The following OTC variants were observed in gnomAD, a reference collection of about 807,000 sequenced individuals.
OTC encodes ornithine transcarbamylase, mitochondrial.
A neutral mutation model predicts 30.3 loss-of-function variants in OTC; 3 were observed. That is an observed-to-expected ratio of 0.10 (90% CI 0.05 to 0.26). OTC has a LOEUF of 0.26. Ranked by LOEUF, OTC falls within the 10% of genes least tolerant of loss-of-function variation. OTC has a pLI of 1.00. For synonymous variants in OTC, 111 were observed against 99.7 expected, an observed-to-expected ratio of 1.11 and a Z score of -0.67; for missense variants, 194 against 260.3, an observed-to-expected ratio of 0.75 and a Z score of 1.75.
intron 4 of OTC, among the ~76,000 whole-genome samples, chrX:38,389,026 T>G (rs2068418640): frequency 8.9e-6 from 1 of 111,866 alleles, no homozygotes; most frequent in Admixed American, 9.5e-5. Flanking sequence ...TCAGTCATCC[T>G]TGGCATTCCT....
intron 9 of OTC, among the ~76,000 whole-genome samples, chrX:38,417,255 A>C (rs2068574550): frequency 1.8e-5 from 2 of 111,810 alleles, no homozygotes; most frequent in South Asian, 7.5e-4. Flanking sequence ...GCCTAAAGGC[A>C]ATATAGGGAA....
the OTC span, among the ~76,000 whole-genome samples, chrX:38,339,562 C>T: frequency 7.6e-5 from 8 of 105,492 alleles, no homozygotes; most frequent in African/African-American, 2.8e-4. Context: ...CTCCCTCCTC[C>T]TACTAATGGG....
intron 9 of OTC, among the ~76,000 whole-genome samples, chrX:38,417,475 G>A (rs2068575487): frequency 1.8e-5 from 2 of 111,070 alleles, no homozygotes; most frequent in African/African-American, 6.5e-5. Flanking sequence ...CAGGACCCAG[G>A]GACAGGTAGG....
At chrX:38,393,338 C>T (rs549890269) in intron 4 of OTC, among the ~76,000 whole-genome samples, 2 of 111,968 alleles carry the variant, frequency 1.8e-5, no homozygotes, top group South Asian at 7.3e-4. Context: ...TTTACATAGC[C>T]GATTATTATT....
At chrX:38,344,230 T>TACAC in the OTC span, among the ~76,000 whole-genome samples, 4 of 64,806 alleles carry the variant, frequency 6.2e-5, no homozygotes, top group East Asian at 1.7e-3. Context: ...CTTTTGGTGA[T>TACAC]ATATATATAT....
chrX:38,340,866 G>A, the OTC span, among the ~76,000 whole-genome samples: 1 of 109,292 alleles, frequency 9.1e-6, no homozygotes, highest in East Asian at 2.9e-4. Context: ...GCACGATCTC[G>A]ACTCACTGCA....
intron 9 of OTC, among the ~76,000 whole-genome samples, chrX:38,413,680 T>TTGC (rs2068555178): frequency 9.2e-6 from 1 of 108,588 alleles, no homozygotes; most frequent in African/African-American, 3.4e-5. Context: ...TTTTTTTTGT[T>TTGC]TTTTTTTGAG....
chrX:38,414,528 G>C (rs1324234589), intron 9 of OTC, among the ~76,000 whole-genome samples: 2 of 111,821 alleles, frequency 1.8e-5, no homozygotes, highest in African/African-American at 3.3e-5. Context: ...ATGCTCACCT[G>C]GGAGTGATGA....
chrX:38,344,144 T>TCAAA, the OTC span, among the ~76,000 whole-genome samples: 35 of 109,886 alleles, frequency 3.2e-4, no homozygotes, highest in African/African-American at 8.0e-4. Context: ...AGACTCTGTC[T>TCAAA]CAAACAAACA....
chrX:38,340,473 G>GTTTTTTT, the OTC span, among the ~76,000 whole-genome samples: 1 of 56,127 alleles, frequency 1.8e-5, no homozygotes, highest in Non-Finnish European at 3.3e-5. Context: ...TTTTTTTTTT[G>GTTTTTTT]TTTTTTTTTT....
chrX:38,377,355 CAAAAAAATA>C (rs2068353733), intron 3 of OTC, among the ~76,000 whole-genome samples: 1 of 110,437 alleles, frequency 9.1e-6, no homozygotes, highest in South Asian at 3.8e-4. Context: ...ATGCCTACAT[CAAAAAAATA>C]GAAAAACTTC....
rs183301094 is a variant in OTC, at chrX:38,366,676, G to A, written c.78-615G>A. Among the ~76,000 whole-genome samples, 439 of 111,588 alleles carry A rather than the reference G, an allele frequency of 3.9e-3. 2 individuals carry two copies. Among genetic ancestry groups the A allele is most frequent in the African/African-American group, 0.014 (417 of 30,696 alleles). ...GTGTGAAATTTAGAAGCAGAGAGTG[G>A]GTAAATAAACTGCCCTAGGTTGTGT... is the stretch of plus-strand genomic sequence containing the variant. On this transcript the variant is annotated intron_variant, in intron 1 of 9. Coordinates refer to ENST00000039007, the MANE Select transcript of OTC (RefSeq NM_000531.6).
chrX:38,416,380 G>A (rs887978374), intron 9 of OTC, among the ~76,000 whole-genome samples: 1 of 111,315 alleles, frequency 9.0e-6, no homozygotes, highest in Non-Finnish European at 1.9e-5. Flanking sequence ...GCTTGCTTTT[G>A]TATTTTTCAG....
At chrX:38,328,307 T>C in the OTC span, among the ~76,000 whole-genome samples, 1 of 112,530 alleles carries the variant, frequency 8.9e-6, no homozygotes, top group Non-Finnish European at 1.9e-5. Context: ...ATTACTCTTG[T>C]GTGTTACCAA....
At chrX:38,333,176 C>T in the OTC span, among the ~76,000 whole-genome samples, 6 of 101,460 alleles carry the variant, frequency 5.9e-5, no homozygotes, top group Non-Finnish European at 1.2e-4. Flanking sequence ...GATCGCACCA[C>T]TGCACTCCAG....
chrX:38,391,449 C>T (rs1224234304), intron 4 of OTC, among the ~76,000 whole-genome samples: 1 of 111,356 alleles, frequency 9.0e-6, no homozygotes, highest in Non-Finnish European at 1.9e-5. Flanking sequence ...TGTCTGATAT[C>T]TATGTAGTCT....
chrX:38,408,753 G>A lies in OTC; in HGVS notation c.675G>A (p.Pro225=), dbSNP rs376129619. ...LQAATPKGYE[P]DASVTKLAEQ... The stretch of plus-strand genomic sequence containing the variant: ...TCTTCCTCCTTTAGGGTTATGAGCC[G>A]GATGCTAGTGTAACCAAGTTGGCAG... The change falls in exon 7 of 10, where the codon CCG becomes CCA. Residue 225 remains proline, a synonymous_variant. Coordinates refer to ENST00000039007, the MANE Select transcript of OTC (RefSeq NM_000531.6). 65 of 1,196,925 alleles carry A rather than the reference G, an allele frequency of 5.4e-5. No homozygotes were observed. The highest frequency in any genetic ancestry group is 7.0e-5 in the Non-Finnish European group (62 of 883,409).
At chrX:38,408,609 A>G (rs2068527200) in intron 6 of OTC, 133 bp from the exon 7 acceptor site, 1 of 471,650 alleles carries the variant, frequency 2.1e-6, no homozygotes, top group South Asian at 3.6e-5. Flanking sequence ...TAAAAATCAT[A>G]TTCTACTGAA....
chrX:38,388,645 ACTG>A (rs1290992292), intron 4 of OTC, among the ~76,000 whole-genome samples: 1 of 111,560 alleles, frequency 9.0e-6, no homozygotes, highest in Non-Finnish European at 1.9e-5. Flanking sequence ...TCAGCGTACT[ACTG>A]AAAAGTGCAT....
Sources: allele counts gnomAD v4.1 joint callset (sites outside exome capture counted in the v4.1 genomes callset), GRCh38; gene constraint gnomAD v4.1.1; transcripts MANE v1.5; gene names NCBI Gene and HGNC (gene_info 2026-07-23, HGNC 2026-07-21).